PSKH2: variants seen among roughly 807,000 people sequenced by gnomAD.
PSKH2 encodes the protein protein serine kinase H2.
PSKH2 carries 16 observed loss-of-function variants against 22.5 expected under a neutral mutation model. That is an observed-to-expected ratio of 0.71 (90% CI 0.48 to 1.08). PSKH2 has a LOEUF of 1.08. PSKH2 is among the 50% of genes least tolerant of loss of function. PSKH2 has a pLI of 0.00. For synonymous variants in PSKH2, 188 were observed against 184.8 expected (o/e 1.02, Z -0.14); for missense variants, 516 against 492.8 (o/e 1.05, Z -0.44).
At chr8:86,056,300 A>T (rs1314105534) in intron 2 of PSKH2, among the ~76,000 whole-genome samples, 2 of 152,086 alleles carry the variant, frequency 1.3e-5, no homozygotes, top group African/African-American at 4.8e-5. Flanking sequence ...TGTCTCTCAA[A>T]AAAGAAAAAA....
chr8:86,049,734 GAAAGAAAGAAAGAAAC>G (rs1256183360), intron 2 of PSKH2, among the ~76,000 whole-genome samples: 2,846 of 45,630 alleles, frequency 0.062, 237 homozygotes, highest in African/African-American at 0.071. Context: ...AAGAAAGAAA[GAAAGAAAGAAAGAAAC>G]GAAAGAAAGA....
At chr8:86,055,920 C>G (rs557452215) in intron 2 of PSKH2, among the ~76,000 whole-genome samples, 1 of 152,088 alleles carries the variant, frequency 6.6e-6, no homozygotes, top group East Asian at 1.9e-4. Context: ...TAGATAGGGA[C>G]CATTTTCTAT....
chr8:86,063,956 C>T lies in PSKH2; in HGVS notation c.852+9G>A. ...CCAACACAATAGAAATAAAATAATG[C>T]TCTCTTACCTCTCCTGTATAATTAT... On this transcript the variant is annotated intron_variant, in intron 2 of 2. Coordinates refer to ENST00000276616, the MANE Select transcript of PSKH2 (RefSeq NM_033126.3). 1.3e-6 allele frequency: 2 copies of T among 1,587,676 alleles called. No individual in the cohort carries two copies. The highest frequency in any genetic ancestry group is 1.1e-5 in the South Asian group (1 of 88,010).
At chr8:86,061,796 C>T (rs1817780353) in intron 2 of PSKH2, among the ~76,000 whole-genome samples, 1 of 152,084 alleles carries the variant, frequency 6.6e-6, no homozygotes, top group Non-Finnish European at 1.5e-5. Flanking sequence ...CCAGTCAAGC[C>T]CCCAGATGAC....
rs761281039 is a variant in PSKH2 at position 86,048,620 on chromosome 8, T to A, written c.1000A>T (p.Arg334Trp). The A allele has an allele frequency of 1.2e-6, 2 of 1,614,084 alleles. No individual in the cohort carries two copies. The highest frequency in any genetic ancestry group is 1.7e-6 in the Non-Finnish European group (2 of 1,180,024). ...AAGSSMKNLQRAISRNLMQRA... is the reference protein window; with the variant it reads ...AAGSSMKNLQWAISRNLMQRA... Reference sequence around the variant, plus strand: ...TGCATGAGGTTTCGGGATATGGCCCTCTGGAGATTCTTCATGGAAGACCCT... The same window carrying A: ...TGCATGAGGTTTCGGGATATGGCCCACTGGAGATTCTTCATGGAAGACCCT... Residue 334 changes from arginine (R) to tryptophan (W), a missense_variant, in exon 3 of 3, where the codon AGG becomes TGG. Coordinates refer to ENST00000276616, the MANE Select transcript of PSKH2 (RefSeq NM_033126.3).
At chr8:86,053,586 C>G (rs1311761731) in intron 2 of PSKH2, among the ~76,000 whole-genome samples, 3 of 152,052 alleles carry the variant, frequency 2.0e-5, no homozygotes, top group African/African-American at 7.2e-5. Context: ...TTTATGAACA[C>G]CAATTAGTGG....
Position 86,048,516 on chromosome 8 carries a change from C to A in PSKH2, c.1104G>T (p.Met368Ile), listed in dbSNP as rs1158987515. 6.2e-7 allele frequency: 1 copy of A among 1,614,058 alleles called. No individual in the cohort carries two copies. The highest frequency in any genetic ancestry group is 8.5e-7 in the Non-Finnish European group (1 of 1,180,030). The change falls in exon 3 of 3, where the codon ATG (methionine) becomes ATT (isoleucine). Residue 368 changes from methionine to isoleucine, a missense_variant. By Grantham distance (10) the Met-to-Ile change is conservative. Transcript: ENST00000276616. ...KSHYSHKSRH[M>I]WSKRNLRIVE... ...CTATCCTTAAGTTTCTCTTGCTCCACATATGCCTGGATTTGTGAGAATAAT... is the reference window on the plus strand; with the variant it reads ...CTATCCTTAAGTTTCTCTTGCTCCAAATATGCCTGGATTTGTGAGAATAAT...
chr8:86,048,627 AT>A lies in PSKH2; in HGVS notation c.992del (p.Asn331IlefsTer44). 6.2e-7 allele frequency: 1 copy of A among 1,614,110 alleles called. No individual in the cohort carries two copies. On this transcript the variant is annotated frameshift_variant, in exon 3 of 3. Coordinates refer to ENST00000276616, the MANE Select transcript of PSKH2 (RefSeq NM_033126.3). LOFTEE classifies it low-confidence loss of function (END_TRUNC). ...ITMAAGSSMK[N>X]LQRAISRNLM... ...GGTTTCGGGATATGGCCCTCTGGAGATTCTTCATGGAAGACCCTGCAGCCAT... is the reference window on the plus strand; with the variant it reads ...GGTTTCGGGATATGGCCCTCTGGAGATCTTCATGGAAGACCCTGCAGCCAT...
chr8:86,053,142 C>T (rs897990183), intron 2 of PSKH2, among the ~76,000 whole-genome samples: 1 of 152,194 alleles, frequency 6.6e-6, no homozygotes, highest in Non-Finnish European at 1.5e-5. Context: ...TGTTTGCCCA[C>T]ATCCAGGCCC....
At chr8:86,051,303 G>T (rs1180631539) in intron 2 of PSKH2, among the ~76,000 whole-genome samples, 2 of 152,070 alleles carry the variant, frequency 1.3e-5, no homozygotes, top group Admixed American at 6.5e-5. Flanking sequence ...AGCCAGGCTG[G>T]TCTCAAACTC....
chr8:86,069,378 T>C (rs1347551563), intron 1 of PSKH2, 60 bp downstream of exon 1: 4 of 1,458,096 alleles, frequency 2.7e-6, no homozygotes, highest in African/African-American at 2.9e-5. Flanking sequence ...GAGGCGGTCT[T>C]GGCCAGGGGT....
In PSKH2 at chr8:86,048,580, T is replaced by A; in HGVS notation, c.1040A>T (p.His347Leu). Residue 347 changes from histidine to leucine, a missense_variant, in exon 3 of 3, where the codon CAC becomes CTC. His to Leu is a moderately conservative substitution (Grantham distance 99). Coordinates refer to ENST00000276616, the MANE Select transcript of PSKH2 (RefSeq NM_033126.3). ...CTGTGCAGATCCAGGACTCTGAGAGTGGGGAGAGGCCCTCTGCATGAGGTT... is the reference window on the plus strand; with the variant it reads ...CTGTGCAGATCCAGGACTCTGAGAGAGGGGAGAGGCCCTCTGCATGAGGTT... ...SRNLMQRASPHSQSPGSAQSS... is the reference protein window; with the variant it reads ...SRNLMQRASPLSQSPGSAQSS... The A allele has an allele frequency of 6.2e-7, 1 of 1,613,914 alleles. No individual in the cohort carries two copies. The highest frequency in any genetic ancestry group is 8.5e-7 in the Non-Finnish European group (1 of 1,179,966).
At chr8:86,063,854 A>C in intron 2 of PSKH2, 111 bp downstream of exon 2, 1 of 799,400 alleles carries the variant, frequency 1.3e-6, no homozygotes, top group Non-Finnish European at 2.0e-6. Context: ...TAAGCATCCT[A>C]CAGCACACAG....
intron 2 of PSKH2, among the ~76,000 whole-genome samples, chr8:86,059,372 G>A (rs1399969592): frequency 3.3e-5 from 5 of 152,146 alleles, no homozygotes; most frequent in African/African-American, 1.2e-4. Flanking sequence ...TTACAGTTCT[G>A]CAAATCAGAA....
At chr8:86,053,588 A>G (rs1359804205) in intron 2 of PSKH2, among the ~76,000 whole-genome samples, 11 of 152,172 alleles carry the variant, frequency 7.2e-5, no homozygotes, top group Non-Finnish European at 1.5e-4. Context: ...TATGAACACC[A>G]ATTAGTGGGG....
intron 2 of PSKH2, among the ~76,000 whole-genome samples, chr8:86,062,292 T>G (rs1398027251): frequency 1.3e-5 from 2 of 152,222 alleles, no homozygotes; most frequent in Admixed American, 6.5e-5. Context: ...ACTCTTTAAT[T>G]TTTTACTTTT....
intron 2 of PSKH2, among the ~76,000 whole-genome samples, chr8:86,049,869 A>G (rs13278239): frequency 7.4e-6 from 1 of 135,092 alleles, no homozygotes; most frequent in African/African-American, 2.6e-5. Context: ...AAAGAAGGAA[A>G]GGAGGGAGGG....
chr8:86,049,523 C>T (rs764979629), intron 2 of PSKH2, among the ~76,000 whole-genome samples: 4 of 151,210 alleles, frequency 2.6e-5, no homozygotes, highest in Non-Finnish European at 5.9e-5. Context: ...GGCAGCACCA[C>T]ACTCCAGCCT....
intron 2 of PSKH2, among the ~76,000 whole-genome samples, chr8:86,062,328 T>G (rs1340948094): frequency 2.6e-5 from 4 of 152,234 alleles, no homozygotes; most frequent in African/African-American, 9.6e-5. Flanking sequence ...ATTAGTACTC[T>G]TACAGTGAAA....
Sources: gnomAD v4.1 joint callset for allele counts (sites outside exome capture counted in the v4.1 genomes callset) on GRCh38, gnomAD v4.1.1 for gene constraint, MANE v1.5 for transcripts, NCBI Gene and HGNC (gene_info 2026-07-23, HGNC 2026-07-21) for gene names.